REEP1: variants seen among roughly 807,000 people sequenced by gnomAD.
REEP1 encodes receptor accessory protein 1, also known as receptor expression-enhancing protein 1.
A neutral mutation model predicts 40.3 loss-of-function variants in REEP1; 22 were observed. The ratio of observed to expected loss-of-function variants is 0.55; its 90% CI spans 0.39 to 0.78. The LOEUF is 0.78. Among genes scored for constraint, REEP1 ranks in the 30% least tolerant of loss-of-function variants. REEP1 has a pLI of 0.00. For synonymous variants in REEP1, 116 were observed against 139.2 expected (o/e 0.83, Z 1.17); for missense variants, 280 against 361.1 (o/e 0.78, Z 1.82).
intron 3 of REEP1, among the ~76,000 whole-genome samples, chr2:86,262,240 A>T (rs1213383384): frequency 6.6e-6 from 1 of 152,104 alleles, no homozygotes; most frequent in East Asian, 1.9e-4. Context: ...AAACACCCAC[A>T]GGTGTGGAGA....
At chr2:86,241,669 G>T (rs757093392) in intron 5 of REEP1, among the ~76,000 whole-genome samples, 1 of 152,146 alleles carries the variant, frequency 6.6e-6, no homozygotes, top group Non-Finnish European at 1.5e-5. Context: ...CCCTGGTGCC[G>T]ATCACAGCTC....
At chr2:86,277,619 C>T (rs1411261537) in intron 2 of REEP1, among the ~76,000 whole-genome samples, 1 of 150,888 alleles carries the variant, frequency 6.6e-6, no homozygotes, top group Non-Finnish European at 1.5e-5. Flanking sequence ...ACTGCCAAGA[C>T]CTCAGATTCC....
At chr2:86,254,673 A>G (rs774061368) in intron 4 of REEP1, 21 bp downstream of exon 4, 3 of 1,610,658 alleles carry the variant, frequency 1.9e-6, no homozygotes, top group Admixed American at 1.7e-5. Flanking sequence ...AAAGAATGAA[A>G]GACATGGCAG....
At chr2:86,258,125 C>T (rs1676670909) in intron 3 of REEP1, among the ~76,000 whole-genome samples, 3 of 152,186 alleles carry the variant, frequency 2.0e-5, no homozygotes, top group Admixed American at 2.0e-4. Flanking sequence ...TTTCCAGAGT[C>T]TTAGTGTTTC....
At chr2:86,277,043 T>C (rs1336384676) in intron 2 of REEP1, among the ~76,000 whole-genome samples, 1 of 152,130 alleles carries the variant, frequency 6.6e-6, no homozygotes, top group Admixed American at 6.5e-5. Flanking sequence ...ATGGTTTCAA[T>C]GAAGTGGAAG....
intron 2 of REEP1, among the ~76,000 whole-genome samples, chr2:86,274,777 T>G (rs193164795): frequency 1.3e-5 from 2 of 152,232 alleles, no homozygotes; most frequent in Admixed American, 1.3e-4. Context: ...ACAGTATGAC[T>G]GGGGAGTCTC....
At chr2:86,245,826 GCT>G (rs1675912618) in intron 5 of REEP1, among the ~76,000 whole-genome samples, 1 of 150,170 alleles carries the variant, frequency 6.7e-6, no homozygotes, top group Admixed American at 6.6e-5. Context: ...GTGCAGTGGT[GCT>G]ATCTTGGCTC....
intron 8 of REEP1, among the ~76,000 whole-genome samples, chr2:86,219,677 C>T (rs990525536): frequency 6.6e-6 from 1 of 152,144 alleles, no homozygotes; most frequent in Admixed American, 6.5e-5. Flanking sequence ...AACTCCTGAC[C>T]TCAGGTGATC....
chr2:86,269,069 G>A (rs770087511), intron 2 of REEP1, among the ~76,000 whole-genome samples: 19 of 152,060 alleles, frequency 1.2e-4, no homozygotes, highest in Non-Finnish European at 2.6e-4. Context: ...TAAAGACCTC[G>A]GGCTTTGGCA....
rs1678330217 is a variant in REEP1, at chr2:86,285,315, ACTT to A, written c.33-3076_33-3074del. Among the ~76,000 whole-genome samples the A allele has an allele frequency of 2.0e-5, 3 of 152,208 alleles. No homozygotes were observed. The South Asian group carries it at 6.2e-4, about 32-fold the overall frequency. On this transcript the variant is annotated intron_variant, in intron 1 of 8. Coordinates refer to ENST00000538924, the MANE Select transcript of REEP1 (RefSeq NM_001371279.1). ...CTTTAAGACCCATCTCAGAAATGCC[ACTT>A]CTTCTGTGAAGCCTTTGGTTACTGC...
At position 86,287,738 on chromosome 2, in the gene REEP1, T is replaced by G. The variant is rs144937568; in HGVS notation, c.33-5496A>C. On this transcript the variant is annotated intron_variant, in intron 1 of 8. Transcript: ENST00000538924. ...AAAACTGTAACACACAGCAGATATA[T>G]TTGAAATCCCCTATATGTACTTTCC... 1.6e-3 allele frequency among the ~76,000 whole-genome samples: 249 copies of G among 152,340 alleles called. 1 individual carries two copies. The highest frequency in any genetic ancestry group is 5.7e-3 in the African/African-American group (237 of 41,582).
At chr2:86,236,751 T>A (rs1243248475) in intron 5 of REEP1, among the ~76,000 whole-genome samples, 1 of 152,156 alleles carries the variant, frequency 6.6e-6, no homozygotes, top group Non-Finnish European at 1.5e-5. Flanking sequence ...TTTTTTTTTT[T>A]TTCGAGATGG....
Position 86,215,313 on chromosome 2 carries a change from G to C in REEP1, c.*1726C>G, listed in dbSNP as rs1430964170. 6.6e-6 allele frequency: 1 copy of C among 152,162 alleles called. No homozygotes were observed. The highest frequency in any genetic ancestry group is 1.9e-4 in the East Asian group (1 of 5,196). 9.4% of individuals were successfully genotyped at this position (152,162 alleles called of 1,614,324 possible). On this transcript the variant is annotated 3_prime_UTR_variant, in exon 9 of 9. Transcript: ENST00000538924. ...ATCACCTTCAGAGGAACTATGGGTA[G>C]ATGGGATTCCAATATGCATATCTGG...
chr2:86,296,201 C>G (rs1678975798), intron 1 of REEP1, among the ~76,000 whole-genome samples: 1 of 152,214 alleles, frequency 6.6e-6, no homozygotes, highest in African/African-American at 2.4e-5. Context: ...CAGTATAGCA[C>G]TCCTCAGTAA....
At chr2:86,304,591 T>C (rs1679401194) in intron 1 of REEP1, among the ~76,000 whole-genome samples, 1 of 152,076 alleles carries the variant, frequency 6.6e-6, no homozygotes, top group Non-Finnish European at 1.5e-5. Flanking sequence ...GGAGTGCTTG[T>C]TAAGAAGTTA....
chr2:86,299,140 T>C (rs1053864102), intron 1 of REEP1, among the ~76,000 whole-genome samples: 1 of 152,246 alleles, frequency 6.6e-6, no homozygotes, highest in Non-Finnish European at 1.5e-5. Context: ...CACCAGCTCC[T>C]TGGGCCCTCT....
At chr2:86,233,348 C>T (rs1162746212) in intron 5 of REEP1, among the ~76,000 whole-genome samples, 1 of 152,156 alleles carries the variant, frequency 6.6e-6, no homozygotes, top group Non-Finnish European at 1.5e-5. Context: ...TAGCATATTA[C>T]TGTCTACGAG....
At chr2:86,337,683 T>TGGC (rs545000846), upstream of REEP1, 114 of 998,818 alleles carry the variant, frequency 1.1e-4, 1 homozygote, top group Middle Eastern at 5.1e-4. The surrounding 1 kb of genome is among the most constrained non-coding windows in gnomAD (Gnocchi z 5.8). Flanking sequence ...CGGCACGTTC[T>TGGC]GGCGGCGGCG....
intron 1 of REEP1, among the ~76,000 whole-genome samples, chr2:86,336,199 C>T (rs1431535765): frequency 1.3e-5 from 2 of 152,194 alleles, no homozygotes; most frequent in African/African-American, 4.8e-5. Context: ...AAATATTTAA[C>T]ATGCCACCTC....
Sources: gnomAD v4.1 joint callset for allele counts (sites outside exome capture counted in the v4.1 genomes callset) on GRCh38, gnomAD v4.1.1 for gene constraint, Gnocchi (gnomAD v3.1) non-coding constraint, MANE v1.5 for transcripts, NCBI Gene and HGNC (gene_info 2026-07-23, HGNC 2026-07-21) for gene names.